DACH1: variants seen among roughly 807,000 people sequenced by gnomAD.
The protein encoded by DACH1 is dachshund homolog 1.
A neutral mutation model predicts 54.2 loss-of-function variants in DACH1; 12 were observed. The observed-to-expected ratio is 0.22, with a 90% CI of 0.14 to 0.36. DACH1 has a LOEUF of 0.36. Among genes scored for constraint, DACH1 ranks in the 10% least tolerant of loss-of-function variants. The pLI is 1.00. For missense variants in DACH1, 805 were observed against 929.8 expected (o/e 0.87, Z 1.75); for synonymous variants, 386 against 366.2 (o/e 1.05, Z -0.62).
At chr13:71,721,378 G>C (rs1883222740) in intron 1 of DACH1, among the ~76,000 whole-genome samples, 1 of 152,102 alleles carries the variant, frequency 6.6e-6, no homozygotes, top group Non-Finnish European at 1.5e-5. Context: ...ATTATCACTA[G>C]GGGAGGTAAG....
At chr13:71,777,966 A>G (rs1338149419) in intron 1 of DACH1, among the ~76,000 whole-genome samples, 1 of 151,840 alleles carries the variant, frequency 6.6e-6, no homozygotes, top group Non-Finnish European at 1.5e-5. Flanking sequence ...AAAATACACA[A>G]ATTAGCTGGT....
In DACH1 at chr13:71,489,093, TAGAG is replaced by T; in HGVS notation, c.1622_1625del (p.Ser541Ter). 2 of 1,613,820 alleles carry T rather than the reference TAGAG, an allele frequency of 1.2e-6. No homozygotes were observed. The highest frequency in any genetic ancestry group is 1.7e-6 in the Non-Finnish European group (2 of 1,179,804). On this transcript the variant is annotated frameshift_variant, in exon 7 of 11. Coordinates refer to ENST00000613252, the MANE Select transcript of DACH1 (RefSeq NM_080759.6). LOFTEE classifies it high-confidence loss of function. The stretch of plus-strand genomic sequence containing the variant: ...GAGGCAGTGGTTGTCCATGCCCAGT[TAGAG>T]AGAGTTTGTCAAGGCTGTCTCTTGC...
At chr13:71,826,938 A>C (rs2138196597) in intron 1 of DACH1, among the ~76,000 whole-genome samples, 1 of 152,176 alleles carries the variant, frequency 6.6e-6, no homozygotes, top group African/African-American at 2.4e-5. Flanking sequence ...GTCTTCCGAA[A>C]GCTTTACAAT....
chr13:71,566,272 G>T (rs1884889035), intron 4 of DACH1, among the ~76,000 whole-genome samples: 1 of 152,118 alleles, frequency 6.6e-6, no homozygotes, highest in South Asian at 2.1e-4. Flanking sequence ...ACCTCTGGAG[G>T]CTTGGTACAA....
rs144902289 is a variant in DACH1, at chr13:71,473,959, G to C, written c.2083+1182C>G. Among the ~76,000 whole-genome samples the C allele has an allele frequency of 7.9e-5, 12 of 152,196 alleles. No individual in the cohort carries two copies. The East Asian group carries it at 2.1e-3, about 27-fold the overall frequency. ...AAGATGCAAGAGGATTCTTTTAATT[G>C]TCATAACCATATACATACAAACACA... On this transcript the variant is annotated intron_variant, in intron 10 of 10. Coordinates refer to ENST00000613252, the MANE Select transcript of DACH1 (RefSeq NM_080759.6).
At chr13:71,605,903 A>C (rs1874847345) in intron 3 of DACH1, among the ~76,000 whole-genome samples, 1 of 151,956 alleles carries the variant, frequency 6.6e-6, no homozygotes, top group African/African-American at 2.4e-5. Flanking sequence ...CTGAATAATA[A>C]CTTAGACTCA....
intron 1 of DACH1, among the ~76,000 whole-genome samples, chr13:71,822,028 T>C (rs1334461119): frequency 1.3e-5 from 2 of 151,892 alleles, no homozygotes; most frequent in Non-Finnish European, 2.9e-5. Context: ...ACCTCTGCAC[T>C]CCAGCCTGGC....
At chr13:71,806,219 GA>G (rs1887496191) in intron 1 of DACH1, among the ~76,000 whole-genome samples, 1 of 152,110 alleles carries the variant, frequency 6.6e-6, no homozygotes, top group Non-Finnish European at 1.5e-5. Flanking sequence ...ATTAAAATCT[GA>G]GGCTATTTGA....
chr13:71,523,471 G>C (rs1881742625), intron 6 of DACH1, among the ~76,000 whole-genome samples: 1 of 152,120 alleles, frequency 6.6e-6, no homozygotes, highest in African/African-American at 2.4e-5. Flanking sequence ...TCAGCCTCCA[G>C]TAAACTGTCG....
intron 10 of DACH1, among the ~76,000 whole-genome samples, chr13:71,456,521 A>T (rs1875575853): frequency 6.6e-6 from 1 of 152,096 alleles, no homozygotes. Flanking sequence ...GAATTCATCT[A>T]GCCTTAGTTC....
intron 6 of DACH1, among the ~76,000 whole-genome samples, chr13:71,492,315 T>C (rs1315111571): frequency 2.0e-5 from 3 of 152,100 alleles, no homozygotes; most frequent in South Asian, 4.1e-4. Context: ...GATGAGGAGA[T>C]CATTTTGGTT....
intron 1 of DACH1, among the ~76,000 whole-genome samples, chr13:71,749,924 C>T (rs1170189847): frequency 6.6e-6 from 1 of 152,122 alleles, no homozygotes; most frequent in Non-Finnish European, 1.5e-5. Context: ...AGAAAGGGAC[C>T]ACCAGTTGTG....
chr13:71,577,454 T>C (rs1885600188), intron 3 of DACH1, among the ~76,000 whole-genome samples: 1 of 152,196 alleles, frequency 6.6e-6, no homozygotes, highest in Non-Finnish European at 1.5e-5. Context: ...TAAATGAGTG[T>C]TCATAAATGA....
chr13:71,857,071 G>A (rs2138279728), intron 1 of DACH1, among the ~76,000 whole-genome samples: 1 of 151,940 alleles, frequency 6.6e-6, no homozygotes, highest in Admixed American at 6.6e-5. Context: ...AGCACATGTA[G>A]TGTCATTTAA....
At chr13:71,538,591 AT>A (rs1390618949) in intron 6 of DACH1, among the ~76,000 whole-genome samples, 1 of 152,116 alleles carries the variant, frequency 6.6e-6, no homozygotes, top group Non-Finnish European at 1.5e-5. Context: ...TCACATTTTA[AT>A]AAAATCAACA....
chr13:71,624,819 T>C (rs1408091987), intron 3 of DACH1, among the ~76,000 whole-genome samples: 6 of 151,896 alleles, frequency 4.0e-5, no homozygotes, highest in Non-Finnish European at 7.4e-5. Flanking sequence ...CAGATAATTC[T>C]CAGTAATTGG....
intron 1 of DACH1, among the ~76,000 whole-genome samples, chr13:71,849,134 A>G (rs1444612723): frequency 6.6e-6 from 1 of 152,218 alleles, no homozygotes; most frequent in Non-Finnish European, 1.5e-5. Flanking sequence ...TTTGTGGGAA[A>G]CATTTCCTAA....
chr13:71,612,910 C>G (rs1411809844), intron 3 of DACH1, among the ~76,000 whole-genome samples: 49 of 152,136 alleles, frequency 3.2e-4, no homozygotes, highest in Admixed American at 3.1e-3. Flanking sequence ...ATTAAGAATT[C>G]ATTCAGGACT....
chr13:71,474,985 G>T (rs550757675), intron 10 of DACH1, among the ~76,000 whole-genome samples, 156 bp downstream of exon 10: 1 of 152,282 alleles, frequency 6.6e-6, no homozygotes, highest in Non-Finnish European at 1.5e-5. Context: ...AGCACAAAAT[G>T]AATTCACTCA....
Sources: gnomAD v4.1 joint callset for allele counts (sites outside exome capture counted in the v4.1 genomes callset) on GRCh38, gnomAD v4.1.1 for gene constraint, MANE v1.5 for transcripts, NCBI Gene and HGNC (gene_info 2026-07-23, HGNC 2026-07-21) for gene names.